The following NAF1 variants were observed in gnomAD, a reference collection of about 807,000 sequenced individuals.
NAF1 encodes nuclear assembly factor 1 ribonucleoprotein.
A neutral mutation model predicts 40.6 loss-of-function variants in NAF1; 11 were observed. That is an observed-to-expected ratio of 0.27 (90% CI 0.17 to 0.45). The LOEUF is 0.45. Ranked by LOEUF, NAF1 falls within the 20% of genes least tolerant of loss-of-function variation. NAF1 has a pLI of 1.00. For synonymous variants in NAF1, 260 were observed against 228.5 expected (o/e 1.14, Z -1.24); for missense variants, 607 against 611.1 (o/e 0.99, Z 0.07).
At chr4:163,157,075 C>T (rs1004253797) in intron 2 of NAF1, 4 of 152,178 alleles carry the variant, frequency 2.6e-5, no homozygotes, top group East Asian at 1.9e-4. Flanking sequence ...AAATAAACAT[C>T]CCCAAACACC....
chr4:163,121,630 A>G (rs1191455798), intron 2 of NAF1, among the ~76,000 whole-genome samples: 2 of 152,214 alleles, frequency 1.3e-5, no homozygotes, highest in African/African-American at 2.4e-5. Context: ...ATATTTTATG[A>G]ATGCATATTG....
chr4:163,115,180 T>C (rs1279685292), intron 2 of NAF1, among the ~76,000 whole-genome samples: 1 of 151,396 alleles, frequency 6.6e-6, no homozygotes, highest in Non-Finnish European at 1.5e-5. Context: ...TTTGATACTA[T>C]TGGCGATATA....
At chr4:163,129,430 T>A in intron 7 of NAF1, 82 bp from the exon 8 acceptor site, 1 of 1,348,828 alleles carries the variant, frequency 7.4e-7, no homozygotes, top group South Asian at 1.4e-5. Flanking sequence ...TCAATTATGA[T>A]TTTTATTATC....
chr4:163,134,525 T>A (rs1440966717), intron 6 of NAF1, among the ~76,000 whole-genome samples: 1 of 152,186 alleles, frequency 6.6e-6, no homozygotes, highest in Non-Finnish European at 1.5e-5. Context: ...CTAGAAAGTA[T>A]GGAGATCAGA....
chr4:163,166,671 G>A lies in NAF1; in HGVS notation c.57C>T (p.Thr19=), dbSNP rs747243486. ...CCGGACCTTCCCCAACTCCAAAGTCGGTGCCATTGAATTTCAGAGTTTCCA... is the reference window on the plus strand; with the variant it reads ...CCGGACCTTCCCCAACTCCAAAGTCAGTGCCATTGAATTTCAGAGTTTCCA... ...AQLETLKFNG[T]DFGVGEGPAA... Residue 19 remains threonine, a synonymous_variant, in exon 1 of 8, where the codon ACC becomes ACT. Coordinates refer to ENST00000274054, the MANE Select transcript of NAF1 (RefSeq NM_138386.3). 8 of 1,613,598 alleles carry A rather than the reference G, an allele frequency of 5.0e-6. No individual in the cohort carries two copies. Among genetic ancestry groups the A allele is most frequent in the East Asian group, 2.2e-5 (1 of 44,880 alleles).
intron 4 of NAF1, among the ~76,000 whole-genome samples, chr4:163,142,905 C>G (rs1331094865): frequency 6.6e-6 from 1 of 152,184 alleles, no homozygotes; most frequent in Admixed American, 6.5e-5. Context: ...ATAGGAGGCA[C>G]CCATATCCCT....
At chr4:163,151,091 T>C (rs902157320) in intron 2 of NAF1, among the ~76,000 whole-genome samples, 5 of 151,586 alleles carry the variant, frequency 3.3e-5, no homozygotes, top group African/African-American at 1.2e-4. Flanking sequence ...TAAGGGCTTA[T>C]CTTTTATTAA....
chr4:163,153,136 C>T (rs957449632), intron 2 of NAF1, among the ~76,000 whole-genome samples: 1 of 152,202 alleles, frequency 6.6e-6, no homozygotes, highest in African/African-American at 2.4e-5. Context: ...CCCCCGCCTC[C>T]GTGGGTTCCT....
chr4:163,105,788 T>C (rs1418660569), downstream of NAF1, among the ~76,000 whole-genome samples: 1 of 152,206 alleles, frequency 6.6e-6, no homozygotes, highest in South Asian at 2.1e-4. Context: ...CTGTCTTAAA[T>C]CTTTTAGCAG....
At chr4:163,125,028 T>A (rs1414677098), downstream of NAF1, among the ~76,000 whole-genome samples, 1 of 152,174 alleles carries the variant, frequency 6.6e-6, no homozygotes, top group East Asian at 1.9e-4. Flanking sequence ...ATCTTTGATG[T>A]TACTATTGTT....
chr4:163,149,369 T>C (rs992439201), intron 2 of NAF1, among the ~76,000 whole-genome samples: 1 of 152,168 alleles, frequency 6.6e-6, no homozygotes, highest in Non-Finnish European at 1.5e-5. Context: ...CTACATAACA[T>C]GAAGTATACT....
chr4:163,104,213 C>A, the NAF1 span, among the ~76,000 whole-genome samples: 1 of 152,102 alleles, frequency 6.6e-6, no homozygotes, highest in Non-Finnish European at 1.5e-5. Flanking sequence ...AGGCAGGAAC[C>A]GGCCGTTTCC....
At chr4:163,106,337 C>T (rs1730049199), downstream of NAF1, among the ~76,000 whole-genome samples, 1 of 151,978 alleles carries the variant, frequency 6.6e-6, no homozygotes, top group Non-Finnish European at 1.5e-5. Context: ...TGCACTAGCC[C>T]CAAGTGACTA....
chr4:163,106,348 T>C (rs1285382877), downstream of NAF1, among the ~76,000 whole-genome samples: 2 of 152,210 alleles, frequency 1.3e-5, no homozygotes, highest in East Asian at 3.8e-4. Context: ...CAAGTGACTA[T>C]ATGCTAAATT....
chr4:163,131,870 T>C (rs1579143165), intron 7 of NAF1, among the ~76,000 whole-genome samples: 1 of 152,178 alleles, frequency 6.6e-6, no homozygotes, highest in East Asian at 1.9e-4. Context: ...AACTCGACAG[T>C]AAAAATCCAG....
intron 2 of NAF1, among the ~76,000 whole-genome samples, chr4:163,160,424 A>G (rs1732170771): frequency 6.6e-6 from 1 of 152,130 alleles, no homozygotes; most frequent in Admixed American, 6.5e-5. Flanking sequence ...GTTATAACCT[A>G]ATTTTAAAAA....
chr4:163,157,796 A>T (rs1486705392), intron 2 of NAF1, among the ~76,000 whole-genome samples: 1 of 152,056 alleles, frequency 6.6e-6, no homozygotes, highest in East Asian at 1.9e-4. Context: ...TAACATTAAA[A>T]ATCCATCCTA....
At chr4:163,119,806 C>T (rs193008076) in intron 2 of NAF1, 1 of 152,094 alleles carries the variant, frequency 6.6e-6, no homozygotes, top group Non-Finnish European at 1.5e-5. Context: ...TATATTAGAT[C>T]GCCTACACAA....
chr4:163,127,135 A>G, downstream of NAF1: 1 of 1,548,078 alleles, frequency 6.5e-7, no homozygotes, highest in African/African-American at 1.4e-5. Flanking sequence ...AGAAATGGAC[A>G]GATTTTTACT....
Sources: allele counts gnomAD v4.1 joint callset (sites outside exome capture counted in the v4.1 genomes callset), GRCh38; gene constraint gnomAD v4.1.1; transcripts MANE v1.5; gene names NCBI Gene and HGNC (gene_info 2026-07-23, HGNC 2026-07-21).